ULK4: variants seen among roughly 807,000 people sequenced by gnomAD.
ULK4 encodes inactive serine/threonine-protein kinase ULK4.
A neutral mutation model predicts 160.6 loss-of-function variants in ULK4; 133 were observed. The ratio of observed to expected loss-of-function variants is 0.83; its 90% CI spans 0.72 to 0.96. The LOEUF is 0.96. ULK4 is among the 40% of genes least tolerant of loss of function. ULK4 has a pLI of 0.00. For missense variants in ULK4, 1,580 were observed against 1,499.5 expected (o/e 1.05, Z -0.89); for synonymous variants, 534 against 539.8 (o/e 0.99, Z 0.15).
intron 35 of ULK4, among the ~76,000 whole-genome samples, chr3:41,357,381 G>A (rs1439019392): frequency 2.0e-5 from 3 of 152,200 alleles, no homozygotes; most frequent in South Asian, 2.1e-4. Flanking sequence ...CCAACTGTGA[G>A]GATGTGTTCA....
intron 32 of ULK4, among the ~76,000 whole-genome samples, chr3:41,543,061 A>G (rs2086748470): frequency 6.6e-6 from 1 of 152,072 alleles, no homozygotes; most frequent in Non-Finnish European, 1.5e-5. Flanking sequence ...CAAGGAGCAG[A>G]ATTTTGCCCA....
rs562466681 is a variant in ULK4, at chr3:41,833,381, C to T, written c.1764+2483G>A. On this transcript the variant is annotated intron_variant, in intron 18 of 36. Coordinates refer to ENST00000301831, the MANE Select transcript of ULK4 (RefSeq NM_017886.4). Reference sequence around the variant, plus strand: ...CGCAATCTCGGCTCACTGCAAACTCCGCCTCCCGGGTTCAAGCCCTTCTCC... The same window carrying T: ...CGCAATCTCGGCTCACTGCAAACTCTGCCTCCCGGGTTCAAGCCCTTCTCC... Among the ~76,000 whole-genome samples the T allele has an allele frequency of 6.3e-4, 96 of 151,778 alleles. 1 individual carries two copies. Among genetic ancestry groups the T allele is most frequent in the African/African-American group, 1.7e-3 (71 of 41,404 alleles).
At chr3:41,773,426 A>G (rs942495851) in intron 21 of ULK4, among the ~76,000 whole-genome samples, 7 of 152,166 alleles carry the variant, frequency 4.6e-5, no homozygotes, top group African/African-American at 1.7e-4. Flanking sequence ...ATACACCAAC[A>G]ACAGACAAAC....
chr3:41,312,775 T>G (rs2080076048), intron 35 of ULK4, among the ~76,000 whole-genome samples: 1 of 151,680 alleles, frequency 6.6e-6, no homozygotes, highest in African/African-American at 2.4e-5. Context: ...ACCACTGCAC[T>G]CCAGCCTGGG....
At chr3:41,838,625 A>C (rs1048838864) in intron 17 of ULK4, among the ~76,000 whole-genome samples, 3 of 152,218 alleles carry the variant, frequency 2.0e-5, no homozygotes, top group African/African-American at 7.2e-5. Flanking sequence ...ACAAAAATAA[A>C]ATTACAGACT....
At chr3:41,469,393 C>T (rs1272358851) in intron 32 of ULK4, among the ~76,000 whole-genome samples, 5 of 151,800 alleles carry the variant, frequency 3.3e-5, no homozygotes, top group African/African-American at 9.7e-5. Context: ...TCCTGTGGCC[C>T]AGCCCAATGA....
chr3:41,694,211 G>C (rs1466176182), intron 27 of ULK4, among the ~76,000 whole-genome samples: 1 of 152,212 alleles, frequency 6.6e-6, no homozygotes. Context: ...TGGATACAAA[G>C]ATAGCAGTGT....
intron 32 of ULK4, among the ~76,000 whole-genome samples, chr3:41,508,196 T>G (rs191267260): frequency 1.4e-3 from 210 of 152,222 alleles, no homozygotes; most frequent in African/African-American, 4.6e-3. Context: ...CCTGCGTGAC[T>G]CAGCAGATGC....
intron 12 of ULK4, among the ~76,000 whole-genome samples, chr3:41,901,374 G>T (rs1318947597): frequency 6.6e-6 from 1 of 150,702 alleles, no homozygotes; most frequent in African/African-American, 2.4e-5. Flanking sequence ...TAGAAACAGG[G>T]TTTCACCGTG....
intron 32 of ULK4, among the ~76,000 whole-genome samples, chr3:41,471,862 G>GA (rs1466075187): frequency 6.8e-6 from 1 of 146,690 alleles, no homozygotes; most frequent in Admixed American, 6.8e-5. Context: ...GCAGTTCTGA[G>GA]AAAAAAGTTT....
intron 35 of ULK4, among the ~76,000 whole-genome samples, chr3:41,358,411 G>T (rs1342520279): frequency 6.6e-6 from 1 of 152,162 alleles, no homozygotes; most frequent in African/African-American, 2.4e-5. Flanking sequence ...AAGACAGTAA[G>T]TGTAAAGGGG....
At chr3:41,390,136 T>C (rs1461067498) in intron 35 of ULK4, among the ~76,000 whole-genome samples, 2 of 152,214 alleles carry the variant, frequency 1.3e-5, no homozygotes, top group Non-Finnish European at 2.9e-5. Context: ...CCATTTCTTC[T>C]AGATTTTCTA....
chr3:41,544,775 C>T (rs1435925643), intron 32 of ULK4, among the ~76,000 whole-genome samples: 2 of 152,160 alleles, frequency 1.3e-5, no homozygotes, highest in Non-Finnish European at 2.9e-5. Context: ...AGGTATGAGA[C>T]AGGTCAAATT....
At chr3:41,612,873 G>A (rs1045286446) in intron 31 of ULK4, among the ~76,000 whole-genome samples, 2 of 152,110 alleles carry the variant, frequency 1.3e-5, no homozygotes, top group Non-Finnish European at 2.9e-5. Context: ...AGAAACTCTA[G>A]AAAGGAAGAA....
rs765180731 is a variant in ULK4, at chr3:41,398,030, G to A, written c.3678+49C>T. 42 of 1,563,968 alleles carry A rather than the reference G, an allele frequency of 2.7e-5. 1 individual carries two copies. The highest frequency in any genetic ancestry group is 1.4e-4 in the East Asian group (6 of 44,188). On this transcript the variant is annotated intron_variant, in intron 35 of 36. Transcript: ENST00000301831. ...GAAATGGCTACTCACTGTCCATGTC[G>A]CTGCCAGCAAAGCCACCCACAGTGT...
intron 35 of ULK4, among the ~76,000 whole-genome samples, chr3:41,343,904 T>C (rs1019212084): frequency 1.3e-5 from 2 of 152,176 alleles, no homozygotes; most frequent in South Asian, 2.1e-4. Context: ...AGAATCAATA[T>C]TGTGAAAATG....
chr3:41,644,741 T>C (rs1391459905), intron 30 of ULK4, among the ~76,000 whole-genome samples: 1 of 150,944 alleles, frequency 6.6e-6, no homozygotes. Flanking sequence ...TCTTTTTCTA[T>C]TGATTGGAAT....
At chr3:41,422,539 T>C (rs899088431) in intron 34 of ULK4, among the ~76,000 whole-genome samples, 5 of 152,152 alleles carry the variant, frequency 3.3e-5, no homozygotes, top group African/African-American at 1.2e-4. Context: ...TTCTCTATAT[T>C]TCCACATTTA....
intron 32 of ULK4, among the ~76,000 whole-genome samples, chr3:41,537,515 C>A (rs1230615090): frequency 1.3e-5 from 2 of 152,130 alleles, no homozygotes; most frequent in African/African-American, 2.4e-5. Context: ...GATCCATGAT[C>A]TAGAGGCTGA....
Sources: gnomAD v4.1 joint callset for allele counts (sites outside exome capture counted in the v4.1 genomes callset) on GRCh38, gnomAD v4.1.1 for gene constraint, MANE v1.5 for transcripts, NCBI Gene and HGNC (gene_info 2026-07-23, HGNC 2026-07-21) for gene names.